OPCML: variants seen among roughly 807,000 people sequenced by gnomAD.
OPCML encodes opioid binding protein/cell adhesion molecule like.
In OPCML, 13 loss-of-function variants were observed where a neutral mutation model predicts 37.8. The ratio of observed to expected loss-of-function variants is 0.34; its 90% CI spans 0.22 to 0.55. The LOEUF is 0.55. Ranked by LOEUF, OPCML falls within the 20% of genes least tolerant of loss-of-function variation. OPCML has a pLI of 0.91. For synonymous variants in OPCML, 176 were observed against 168.8 expected, an observed-to-expected ratio of 1.04 and a Z score of -0.33; for missense variants, 341 against 435.6, an observed-to-expected ratio of 0.78 and a Z score of 1.93.
intron 4 of OPCML, among the ~76,000 whole-genome samples, chr11:132,461,715 T>C (rs2096102550): frequency 6.6e-6 from 1 of 152,162 alleles, no homozygotes; most frequent in Non-Finnish European, 1.5e-5. Context: ...GAGGTTTAAT[T>C]GACTCACAGT....
At chr11:133,353,049 A>G (rs1232477373) in intron 1 of OPCML, among the ~76,000 whole-genome samples, 3 of 152,166 alleles carry the variant, frequency 2.0e-5, no homozygotes, top group Non-Finnish European at 4.4e-5. Flanking sequence ...CTAAATATCT[A>G]TTTCCATATT....
rs1224580077 is a variant in OPCML at position 133,206,916 on chromosome 11, G to C, written c.62-263906C>G. 6.6e-6 allele frequency among the ~76,000 whole-genome samples: 1 copy of C among 152,078 alleles called. No homozygotes were observed. The highest frequency in any genetic ancestry group is 1.5e-5 in the Non-Finnish European group (1 of 68,014). On this transcript the variant is annotated intron_variant, in intron 1 of 7. Transcript: ENST00000524381. The surrounding 1 kb of genome is among the most constrained non-coding windows in gnomAD (Gnocchi z 4.7). ...GCCTGGGATCACCAATGACTGAGAAGCGAGGCCCGGATCACGTAATCCAGA... is the reference window on the plus strand; with the variant it reads ...GCCTGGGATCACCAATGACTGAGAACCGAGGCCCGGATCACGTAATCCAGA...
intron 4 of OPCML, among the ~76,000 whole-genome samples, chr11:132,516,239 A>T (rs147678021): frequency 2.0e-4 from 30 of 152,310 alleles, no homozygotes; most frequent in African/African-American, 6.7e-4. Context: ...GGGAAATGGA[A>T]GAAAAATGCT....
Position 132,554,883 on chromosome 11 carries a change from T to TTTTTTTTTTTTTTTTTC in OPCML, c.380-25698_380-25697insGAAAAAAAAAAAAAAAA, listed in dbSNP as rs1255603307. Among the ~76,000 whole-genome samples, 18 of 125,738 alleles carry TTTTTTTTTTTTTTTTTC rather than the reference T, an allele frequency of 1.4e-4. 1 individual carries two copies. Among genetic ancestry groups the TTTTTTTTTTTTTTTTTC allele is most frequent in the East Asian group, 1.1e-3 (3 of 2,848 alleles). The allele number at this position is 125,738 out of a possible 152,430, so 82.5% of individuals were successfully genotyped here. ...GTAAAGTTTTTTTTTTTTTTTTTTT[T>TTTTTTTTTTTTTTTTTC]TTTTTTTTCATTAGCTCTATGGTTA... On this transcript the variant is annotated intron_variant, in intron 3 of 7. Coordinates refer to ENST00000524381, the MANE Select transcript of OPCML (RefSeq NM_001012393.5).
intron 1 of OPCML, among the ~76,000 whole-genome samples, chr11:133,339,980 G>T (rs2136667618): frequency 6.6e-6 from 1 of 152,290 alleles, no homozygotes; most frequent in Admixed American, 6.5e-5. Flanking sequence ...TGTGCCTTTA[G>T]TGCCACACCA....
At chr11:133,020,613 A>T (rs745786528) in intron 1 of OPCML, among the ~76,000 whole-genome samples, 15 of 152,094 alleles carry the variant, frequency 9.9e-5, no homozygotes, top group Non-Finnish European at 5.9e-5. Flanking sequence ...CTTTTCTGGG[A>T]ACTCAGGATT....
chr11:133,382,914 C>T (rs1944962775), intron 1 of OPCML, among the ~76,000 whole-genome samples: 1 of 152,198 alleles, frequency 6.6e-6, no homozygotes, highest in African/African-American at 2.4e-5. Context: ...CTCAGCTACT[C>T]TAGGTGACCT....
intron 1 of OPCML, among the ~76,000 whole-genome samples, chr11:132,996,589 A>G (rs916960271): frequency 4.7e-5 from 7 of 149,192 alleles, no homozygotes; most frequent in Non-Finnish European, 1.0e-4. Context: ...ACTGCACTCC[A>G]GCCTGGGCAA....
intron 1 of OPCML, among the ~76,000 whole-genome samples, chr11:133,350,274 G>A (rs889615740): frequency 3.3e-5 from 5 of 152,174 alleles, no homozygotes; most frequent in African/African-American, 4.8e-5. Flanking sequence ...GTACCCACAC[G>A]CTAGAACACT....
intron 1 of OPCML, among the ~76,000 whole-genome samples, chr11:133,260,135 T>A (rs2136454368): frequency 6.6e-6 from 1 of 151,968 alleles, no homozygotes; most frequent in Non-Finnish European, 1.5e-5. Context: ...GGACAGAGTT[T>A]CAGGAAGAGG....
chr11:133,345,160 C>A (rs1257397339), intron 1 of OPCML, among the ~76,000 whole-genome samples: 1 of 152,096 alleles, frequency 6.6e-6, no homozygotes, highest in African/African-American at 2.4e-5. Flanking sequence ...AGCAGTGCTG[C>A]CATCGCATCA....
chr11:132,965,524 T>A (rs1946194371), intron 1 of OPCML, among the ~76,000 whole-genome samples: 1 of 152,040 alleles, frequency 6.6e-6, no homozygotes, highest in African/African-American at 2.4e-5. Flanking sequence ...TGTTGTTGTT[T>A]GTTGTTTTTT....
intron 1 of OPCML, among the ~76,000 whole-genome samples, chr11:133,434,137 T>C (rs1423358018): frequency 2.0e-5 from 3 of 152,204 alleles, no homozygotes; most frequent in Non-Finnish European, 4.4e-5. Context: ...TATTTTTACA[T>C]TGAGGAGAAA....
In OPCML at chr11:132,685,473, G is replaced by A. The variant is rs190242228; in HGVS notation, c.147-28154C>T. On this transcript the variant is annotated intron_variant, in intron 2 of 7. Transcript: ENST00000524381. ...CACCGGGTCACGACATCCCAGTCTG[G>A]AGCCACCACTTCCTGTGGGGCAAGT... 2.6e-5 allele frequency among the ~76,000 whole-genome samples: 4 copies of A among 152,206 alleles called. No homozygotes were observed. The East Asian group carries it at 7.7e-4, about 29-fold the overall frequency.
chr11:133,503,752 G>A (rs929862455), intron 1 of OPCML, among the ~76,000 whole-genome samples: 4 of 152,000 alleles, frequency 2.6e-5, no homozygotes, highest in African/African-American at 7.3e-5. Flanking sequence ...CCTCCCTTTC[G>A]CCACTCTGAC....
At chr11:133,278,405 T>G (rs889538096) in intron 1 of OPCML, among the ~76,000 whole-genome samples, 1 of 152,172 alleles carries the variant, frequency 6.6e-6, no homozygotes. Context: ...TACAGATACA[T>G]GAGAATGAAA....
rs556531906 is a variant in OPCML, at chr11:132,518,433, T to C, written c.505+10628A>G. Among the ~76,000 whole-genome samples, 5 of 152,326 alleles carry C rather than the reference T, an allele frequency of 3.3e-5. No individual in the cohort carries two copies. In the South Asian group the frequency reaches 1.0e-3, roughly 32 times the overall value. The stretch of plus-strand genomic sequence containing the variant: ...TTAAAGGGCTGTAGGCAATCTGGTC[T>C]ATGAGTATCCCATCTCAGGCCATTG... On this transcript the variant is annotated intron_variant, in intron 4 of 7. Transcript: ENST00000524381.
intron 2 of OPCML, among the ~76,000 whole-genome samples, chr11:132,777,964 G>T (rs1032956409): frequency 3.3e-5 from 5 of 152,024 alleles, no homozygotes; most frequent in African/African-American, 1.2e-4. Context: ...CTCATCTCTG[G>T]ATCGGCATGG....
chr11:133,354,054 C>T (rs774570554), intron 1 of OPCML, among the ~76,000 whole-genome samples: 28 of 152,100 alleles, frequency 1.8e-4, no homozygotes, highest in African/African-American at 6.3e-4. Context: ...CCTCTCTATA[C>T]TAAAGCCTAA....
Sources: allele counts gnomAD v4.1 joint callset (sites outside exome capture counted in the v4.1 genomes callset), GRCh38; gene constraint gnomAD v4.1.1; non-coding constraint Gnocchi (gnomAD v3.1); transcripts MANE v1.5; gene names NCBI Gene and HGNC (gene_info 2026-07-23, HGNC 2026-07-21).